The following AJAP1 variants were observed in gnomAD, a reference collection of about 807,000 sequenced individuals.
The protein encoded by AJAP1 is adherens junction-associated protein 1.
Under a neutral mutation model 35.0 loss-of-function variants are expected in AJAP1, and 5 were observed. The observed-to-expected ratio is 0.14, with a 90% CI of 0.07 to 0.30. The LOEUF is 0.30. AJAP1 is among the 10% of genes least tolerant of loss of function. The probability of loss-of-function intolerance (pLI) is 1.00; values close to 1 mark genes in which losing one functional copy is unlikely to be tolerated. For missense variants in AJAP1, 586 were observed against 571.0 expected (o/e 1.03, Z -0.27); for synonymous variants, 284 against 249.3 (o/e 1.14, Z -1.31).
At chr1:4,685,358 T>C (rs1639581200) in intron 1 of AJAP1, among the ~76,000 whole-genome samples, 1 of 152,176 alleles carries the variant, frequency 6.6e-6, no homozygotes, top group Non-Finnish European at 1.5e-5. Context: ...GCATAGCCTC[T>C]CCACAGCGCT....
At chr1:4,744,229 T>C (rs997944000) in intron 2 of AJAP1, among the ~76,000 whole-genome samples, 5 of 152,324 alleles carry the variant, frequency 3.3e-5, no homozygotes, top group Admixed American at 6.5e-5. Flanking sequence ...CAGGCGTGTC[T>C]CGTCTGGTGT....
Position 4,685,562 on chromosome 1 carries a change from TC to T in AJAP1, c.30-26335del, listed in dbSNP as rs1307307656. ...TGCTGGAGCCTGGCAGGAGCCATAA[TC>T]CCATCCAATGGCATCGACAGATCAC... is the stretch of plus-strand genomic sequence containing the variant. On this transcript the variant is annotated intron_variant, in intron 1 of 5. Transcript: ENST00000378191. Among the ~76,000 whole-genome samples the T allele has an allele frequency of 1.3e-4, 20 of 152,286 alleles. No homozygotes were observed. In the East Asian group the frequency reaches 2.3e-3, roughly 18 times the overall value.
chr1:4,778,365 T>TGA (rs1236178962), intron 5 of AJAP1, among the ~76,000 whole-genome samples: 2 of 152,316 alleles, frequency 1.3e-5, no homozygotes, highest in South Asian at 2.1e-4. Flanking sequence ...AGTGCCAAGA[T>TGA]GAGAGGCTCA....
rs566963918 is a variant in AJAP1 at position 4,783,034 on chromosome 1, A to G, written c.*549A>G. 9 of 391,040 alleles carry G rather than the reference A, an allele frequency of 2.3e-5. No individual in the cohort carries two copies. Among genetic ancestry groups the G allele is most frequent in the Middle Eastern group, 6.4e-4 (1 of 1,556 alleles). The allele number at this position is 391,040 out of a possible 1,614,324, so 24.2% of individuals were successfully genotyped here. ...AATATACATATATAAATATATAAATACAAACACACACACACACTTTTTTTG... is the reference window on the plus strand; with the variant it reads ...AATATACATATATAAATATATAAATGCAAACACACACACACACTTTTTTTG... On this transcript the variant is annotated 3_prime_UTR_variant, in exon 6 of 6. Transcript: ENST00000378191.
chr1:4,750,474 A>G (rs529655293), intron 2 of AJAP1, among the ~76,000 whole-genome samples: 2 of 152,312 alleles, frequency 1.3e-5, no homozygotes, highest in Admixed American at 1.3e-4. Flanking sequence ...TGAAAAGTGC[A>G]TGTGGCAGCC....
chr1:4,710,145 TACAC>T lies in AJAP1; in HGVS notation c.30-1749_30-1746del, dbSNP rs374109649. Among the ~76,000 whole-genome samples, 1,040 of 140,088 alleles carry T rather than the reference TACAC, an allele frequency of 7.4e-3. 8 individuals carry two copies. The highest frequency in any genetic ancestry group is 0.026 in the African/African-American group (972 of 37,502). The allele number at this position is 140,088 out of a possible 152,430, so 91.9% of individuals were successfully genotyped here. A position where few individuals can be genotyped will look rare whatever the true frequency, so the allele number is the denominator to read the frequency against. ...ACACAGATACAGTTGCACACACAAA[TACAC>T]ACACAGATACTCTCACACAGACACA... is the stretch of plus-strand genomic sequence containing the variant. On this transcript the variant is annotated intron_variant, in intron 1 of 5. Coordinates refer to ENST00000378191, the MANE Select transcript of AJAP1 (RefSeq NM_018836.4).
Position 4,790,395 on chromosome 1 carries a change from A to C in AJAP1, c.*7910A>C, listed in dbSNP as rs982748137. 6.6e-6 allele frequency: 1 copy of C among 152,164 alleles called. No individual in the cohort carries two copies. Among genetic ancestry groups the C allele is most frequent in the Non-Finnish European group, 1.5e-5 (1 of 68,026 alleles). The allele number at this position is 152,164 out of a possible 1,614,324, so 9.4% of individuals were successfully genotyped here. On this transcript the variant is annotated 3_prime_UTR_variant, in exon 6 of 6. Coordinates refer to ENST00000378191, the MANE Select transcript of AJAP1 (RefSeq NM_018836.4). ...CCAGTCAACATGAATGGGACCCTAG[A>C]AACTGTGAGGAGCAGGATTCTCTAA...
rs1465803099 is a variant in AJAP1 at position 4,788,074 on chromosome 1, G to A, written c.*5589G>A. On this transcript the variant is annotated 3_prime_UTR_variant, in exon 6 of 6. Transcript: ENST00000378191. ...CGAAACTCATCATCTGAGGATCTTT[G>A]ATTATTCTTCCCCACTTATTGTACA... The A allele has an allele frequency of 1.2e-5, 3 of 249,244 alleles. No individual in the cohort carries two copies. Among genetic ancestry groups the A allele is most frequent in the African/African-American group, 7.0e-5 (3 of 42,924 alleles). 15.4% of individuals were successfully genotyped at this position (249,244 alleles called of 1,614,324 possible).
intron 2 of AJAP1, among the ~76,000 whole-genome samples, chr1:4,742,898 T>C (rs1641101863): frequency 6.9e-6 from 1 of 145,358 alleles, no homozygotes; most frequent in South Asian, 2.3e-4. Context: ...CCTGGTGGGG[T>C]AAATGTGGGG....
At chr1:4,678,589 A>G (rs186184688) in intron 1 of AJAP1, among the ~76,000 whole-genome samples, 27 of 152,312 alleles carry the variant, frequency 1.8e-4, no homozygotes, top group Admixed American at 1.3e-3. Context: ...AGAACTCACA[A>G]TAAGCCAGCA....
chr1:4,769,985 G>A (rs377571944), intron 3 of AJAP1, 45 bp downstream of exon 3: 202 of 1,518,662 alleles, frequency 1.3e-4, no homozygotes, highest in Non-Finnish European at 1.7e-4. Context: ...GGGGACTACC[G>A]GGGTCCCTGG....
chr1:4,679,304 G>A (rs1176820549), intron 1 of AJAP1, among the ~76,000 whole-genome samples: 1 of 152,134 alleles, frequency 6.6e-6, no homozygotes, highest in African/African-American at 2.4e-5. Context: ...CTCCAGGAGG[G>A]CAGTGGGTTT....
chr1:4,694,677 T>G (rs1327195099), intron 1 of AJAP1, among the ~76,000 whole-genome samples: 1 of 152,200 alleles, frequency 6.6e-6, no homozygotes, highest in East Asian at 1.9e-4. Flanking sequence ...AAGGAGATAA[T>G]GCTCAGCTGG....
At chr1:4,767,115 A>C (rs551737925) in intron 2 of AJAP1, among the ~76,000 whole-genome samples, 44 of 152,306 alleles carry the variant, frequency 2.9e-4, no homozygotes, top group African/African-American at 1.0e-3. Context: ...CCAACATCAG[A>C]AGTAGATCAT....
chr1:4,659,357 CAAG>C (rs1638951893), intron 1 of AJAP1, among the ~76,000 whole-genome samples: 1 of 152,178 alleles, frequency 6.6e-6, no homozygotes, highest in South Asian at 2.1e-4. Flanking sequence ...CAATCAGACA[CAAG>C]GAGGAGACAG....
chr1:4,775,858 G>T (rs1263736842), intron 5 of AJAP1, among the ~76,000 whole-genome samples: 1 of 152,188 alleles, frequency 6.6e-6, no homozygotes, highest in Non-Finnish European at 1.5e-5. Context: ...CAGTGCCTTT[G>T]TCTGCCTCAC....
Position 4,789,375 on chromosome 1 carries a change from A to G in AJAP1, c.*6890A>G, listed in dbSNP as rs1170371582. ...AATATCTTGGATTCCATAGTAAAAC[A>G]TCTGTTAAGTAACATGCGGCAGGAA... is the stretch of plus-strand genomic sequence containing the variant. On this transcript the variant is annotated 3_prime_UTR_variant, in exon 6 of 6. Coordinates refer to ENST00000378191, the MANE Select transcript of AJAP1 (RefSeq NM_018836.4). The surrounding 1 kb of genome is among the most constrained non-coding windows in gnomAD (Gnocchi z 4.4). 1 of 152,256 alleles carries G rather than the reference A, an allele frequency of 6.6e-6. No homozygotes were observed. The highest frequency in any genetic ancestry group is 2.4e-5 in the African/African-American group (1 of 41,470). 9.4% of individuals were successfully genotyped at this position (152,256 alleles called of 1,614,324 possible).
rs556920730 is a variant in AJAP1 at position 4,657,767 on chromosome 1, T to C, written c.29+2313T>C. Among the ~76,000 whole-genome samples, 212 of 151,336 alleles carry C rather than the reference T, an allele frequency of 1.4e-3. 1 individual carries two copies. The highest frequency in any genetic ancestry group is 4.9e-3 in the African/African-American group (201 of 41,312). ...CTTAGTTCCGGCCCCAGAGACGAAGTCTGGGCTTGGTTATTTACGTCTGTG... is the reference window on the plus strand; with the variant it reads ...CTTAGTTCCGGCCCCAGAGACGAAGCCTGGGCTTGGTTATTTACGTCTGTG... On this transcript the variant is annotated intron_variant, in intron 1 of 5. Transcript: ENST00000378191.
In AJAP1 at chr1:4,788,407, G is replaced by A. The variant is rs1366304474; in HGVS notation, c.*5922G>A. On this transcript the variant is annotated 3_prime_UTR_variant, in exon 6 of 6. Coordinates refer to ENST00000378191, the MANE Select transcript of AJAP1 (RefSeq NM_018836.4). Reference sequence around the variant, plus strand: ...CGAACAGAAAGAATGAGCGTCTTCTGATGTCAAATCATTCTAGAAAGGTCT... The same window carrying A: ...CGAACAGAAAGAATGAGCGTCTTCTAATGTCAAATCATTCTAGAAAGGTCT... 1 of 152,242 alleles carries A rather than the reference G, an allele frequency of 6.6e-6. No individual in the cohort carries two copies. Among genetic ancestry groups the A allele is most frequent in the Non-Finnish European group, 1.5e-5 (1 of 68,082 alleles). The allele number at this position is 152,242 out of a possible 1,614,324, so 9.4% of individuals were successfully genotyped here.
Sources: gnomAD v4.1 joint callset for allele counts (sites outside exome capture counted in the v4.1 genomes callset) on GRCh38, gnomAD v4.1.1 for gene constraint, Gnocchi (gnomAD v3.1) non-coding constraint, MANE v1.5 for transcripts, NCBI Gene and HGNC (gene_info 2026-07-23, HGNC 2026-07-21) for gene names.